DIRAS2: variants seen among roughly 807,000 people sequenced by gnomAD.
DIRAS2 encodes GTP-binding protein Di-Ras2.
In DIRAS2, 5 loss-of-function variants were observed where a neutral mutation model predicts 13.9. The ratio of observed to expected loss-of-function variants is 0.36; its 90% confidence interval spans 0.19 to 0.76. The LOEUF is 0.76. Ranked by LOEUF, DIRAS2 falls within the 30% of genes least tolerant of loss-of-function variation. DIRAS2 has a pLI of 0.53. For missense variants in DIRAS2, 191 were observed against 263.0 expected (o/e 0.73, Z 1.89); for synonymous variants, 111 against 105.4 (o/e 1.05, Z -0.33).
intron 1 of DIRAS2, among the ~76,000 whole-genome samples, chr9:90,633,514 C>T (rs1825345522): frequency 6.6e-6 from 1 of 152,162 alleles, no homozygotes. Context: ...CAGGTGGATA[C>T]ATGTCCAGGG....
Position 90,612,969 on chromosome 9 carries a change from A to C in DIRAS2, c.*259T>G. On this transcript the variant is annotated 3_prime_UTR_variant, in exon 2 of 2. Transcript: ENST00000375765. Reference sequence around the variant, plus strand: ...CGGGTGTTCATCGCCACCTTCAGCAATTGCTGGCACCTCTCAGTTCCCAGG... The same window carrying C: ...CGGGTGTTCATCGCCACCTTCAGCACTTGCTGGCACCTCTCAGTTCCCAGG... 4 of 484,204 alleles carry C rather than the reference A, an allele frequency of 8.3e-6. No individual in the cohort carries two copies. Among genetic ancestry groups the C allele is most frequent in the Non-Finnish European group, 1.5e-5 (4 of 270,810 alleles). 30.0% of individuals were successfully genotyped at this position (484,204 alleles called of 1,614,324 possible).
chr9:90,625,921 C>A (rs1278920260), intron 1 of DIRAS2: 1 of 152,172 alleles, frequency 6.6e-6, no homozygotes, highest in African/African-American at 2.4e-5. Context: ...CGGTGACTCA[C>A]ATCTGTAATC....
Position 90,613,845 on chromosome 9 carries a change from A to C in DIRAS2, c.-18T>G, listed in dbSNP as rs558649626. ...TCAGGCATGTTGCTGGAGAGCTCCA[A>C]CTCTCAGCCAGGACGCACCTAGCAA... is the stretch of plus-strand genomic sequence containing the variant. On this transcript the variant is annotated 5_prime_UTR_variant, in exon 2 of 2. Transcript: ENST00000375765. This position sits in a 1 kb window ranked among gnomAD's most constrained non-coding sequence, Gnocchi z 5.6. 1.9e-6 allele frequency: 3 copies of C among 1,599,208 alleles called. No individual in the cohort carries two copies. The Admixed American group carries it at 5.1e-5, about 27-fold the overall frequency.
chr9:90,631,519 G>T (rs1475925637), intron 1 of DIRAS2, among the ~76,000 whole-genome samples: 3 of 152,158 alleles, frequency 2.0e-5, no homozygotes, highest in Non-Finnish European at 4.4e-5. Flanking sequence ...CCAGTCAGAA[G>T]TCTCCAGCAA....
chr9:90,619,695 G>C (rs1277603073), intron 1 of DIRAS2, among the ~76,000 whole-genome samples: 1 of 152,114 alleles, frequency 6.6e-6, no homozygotes, highest in Non-Finnish European at 1.5e-5. Flanking sequence ...CCCCTCCTTT[G>C]TATATACCCA....
At chr9:90,614,942 G>A (rs747005165) in intron 1 of DIRAS2, among the ~76,000 whole-genome samples, 1 of 151,896 alleles carries the variant, frequency 6.6e-6, no homozygotes, top group Non-Finnish European at 1.5e-5. Context: ...TACCTTCTTC[G>A]GTAAGGAAGG....
intron 1 of DIRAS2, among the ~76,000 whole-genome samples, chr9:90,616,736 C>CAAAAAAAAAAAAAA (rs11422558): frequency 1.1e-5 from 1 of 88,506 alleles, no homozygotes; most frequent in Non-Finnish European, 2.1e-5. Context: ...GACTCCATCA[C>CAAAAAAAAAAAAAA]AAAAAAAAAA....
intron 1 of DIRAS2, among the ~76,000 whole-genome samples, chr9:90,622,032 G>T (rs1304127684): frequency 1.3e-5 from 2 of 152,104 alleles, no homozygotes; most frequent in Non-Finnish European, 2.9e-5. Flanking sequence ...CAGGAGGATT[G>T]CTTGAGGTCA....
Position 90,613,747 on chromosome 9 carries a change from A to G in DIRAS2, c.81T>C (p.Phe27=), listed in dbSNP as rs1477167596. The change falls in exon 2 of 2, where the codon TTT becomes TTC. Residue 27 remains phenylalanine, a synonymous_variant. Transcript: ENST00000375765. The surrounding 1 kb of genome is among the most constrained non-coding windows in gnomAD (Gnocchi z 5.6). ...GVGKSSLVLR[F]VKGTFRESYI... ...AGCTCTCCCGGAATGTGCCTTTCAC[A>G]AACCTCAACACCAGGGAGCTCTTGC... is the stretch of plus-strand genomic sequence containing the variant. 1 of 1,614,106 alleles carries G rather than the reference A, an allele frequency of 6.2e-7. No individual in the cohort carries two copies. Among genetic ancestry groups the G allele is most frequent in the Non-Finnish European group, 8.5e-7 (1 of 1,180,006 alleles).
rs1317462890 is a variant in DIRAS2, at chr9:90,610,565, C to T, written c.*2663G>A. On this transcript the variant is annotated 3_prime_UTR_variant, in exon 2 of 2. Coordinates refer to ENST00000375765, the MANE Select transcript of DIRAS2 (RefSeq NM_017594.5). Reference sequence around the variant, plus strand: ...GGTCAAAAACTGCTATGCCCATATGCAATGTAGGATGTGTTTTCAAGAACC... The same window carrying T: ...GGTCAAAAACTGCTATGCCCATATGTAATGTAGGATGTGTTTTCAAGAACC... The T allele has an allele frequency of 2.8e-5, 11 of 395,920 alleles. No individual in the cohort carries two copies. In the Admixed American group the frequency reaches 4.9e-4, roughly 17 times the overall value. 24.5% of individuals were successfully genotyped at this position (395,920 alleles called of 1,614,324 possible). A position where few individuals can be genotyped will look rare whatever the true frequency, so the allele number is the denominator to read the frequency against.
In DIRAS2 at chr9:90,613,287, T is replaced by A. The variant is rs757730938; in HGVS notation, c.541A>T (p.Lys181Ter). 1.2e-6 allele frequency: 2 copies of A among 1,613,918 alleles called. No homozygotes were observed. The highest frequency in any genetic ancestry group is 8.5e-7 in the Non-Finnish European group (1 of 1,179,996). ...TTCCTTTTCTGCTGCTTGCTCTTTT[T>A]CCCGTCGATCTGGAGACTCACGGTC... Reference protein sequence around the residue: ...RRTVSLQIDGKKSKQQKRKEK... With the variant: ...RRTVSLQIDG The change falls in exon 2 of 2, where the codon AAA becomes TAA. Residue 181 changes from lysine to a stop codon, truncating the protein, a stop_gained. Coordinates refer to ENST00000375765, the MANE Select transcript of DIRAS2 (RefSeq NM_017594.5). LOFTEE classifies it high-confidence loss of function. This position sits in a 1 kb window ranked among gnomAD's most constrained non-coding sequence, Gnocchi z 5.6.
chr9:90,634,506 T>C (rs908193182), intron 1 of DIRAS2, among the ~76,000 whole-genome samples: 5 of 152,192 alleles, frequency 3.3e-5, no homozygotes, highest in African/African-American at 1.2e-4. Context: ...ATGCCCAGGA[T>C]CTTTACACAG....
intron 1 of DIRAS2, among the ~76,000 whole-genome samples, chr9:90,614,351 T>TGA (rs1259318376): frequency 1.4e-5 from 2 of 142,134 alleles, no homozygotes; most frequent in African/African-American, 5.3e-5. Context: ...TGTGTGTGTG[T>TGA]GTGAGAAATA....
At chr9:90,639,839 C>G (rs1025856890) in intron 1 of DIRAS2, among the ~76,000 whole-genome samples, 9 of 152,196 alleles carry the variant, frequency 5.9e-5, no homozygotes, top group African/African-American at 2.2e-4. Context: ...GGACACATAA[C>G]TCACAGCAAT....
At chr9:90,620,042 G>C (rs1197607231) in intron 1 of DIRAS2, among the ~76,000 whole-genome samples, 3 of 152,066 alleles carry the variant, frequency 2.0e-5, no homozygotes, top group Admixed American at 6.6e-5. Context: ...GGTAGGGACT[G>C]GGGGGAAACA....
intron 1 of DIRAS2, among the ~76,000 whole-genome samples, chr9:90,627,104 C>G (rs1293843557): frequency 6.6e-6 from 1 of 152,058 alleles, no homozygotes; most frequent in Non-Finnish European, 1.5e-5. Context: ...CTCCCCACAC[C>G]CCCAACTTGC....
chr9:90,639,004 A>G (rs1825395517), intron 1 of DIRAS2, among the ~76,000 whole-genome samples: 1 of 152,222 alleles, frequency 6.6e-6, no homozygotes, highest in African/African-American at 2.4e-5. Context: ...GTGTGTGTTT[A>G]TTATGAGAAG....
rs1825129082 is a variant in DIRAS2 at position 90,612,912 on chromosome 9, G to T, written c.*316C>A. 1 of 365,800 alleles carries T rather than the reference G, an allele frequency of 2.7e-6. No individual in the cohort carries two copies. Among genetic ancestry groups the T allele is most frequent in the Non-Finnish European group, 5.1e-6 (1 of 195,208 alleles). 22.7% of individuals were successfully genotyped at this position (365,800 alleles called of 1,614,324 possible). ...ACATTTAGTCCTCTCGGTACATGTT[G>T]CTTTGTGGGTACCAGTCCTCCCTCC... On this transcript the variant is annotated 3_prime_UTR_variant, in exon 2 of 2. Transcript: ENST00000375765.
chr9:90,622,891 A>G (rs1012619533), intron 1 of DIRAS2, among the ~76,000 whole-genome samples: 2 of 152,140 alleles, frequency 1.3e-5, no homozygotes, highest in African/African-American at 4.8e-5. Context: ...GCCTGGGGAC[A>G]CTTTCTTCTA....
Sources: gnomAD v4.1 joint callset for allele counts (sites outside exome capture counted in the v4.1 genomes callset) on GRCh38, gnomAD v4.1.1 for gene constraint, Gnocchi (gnomAD v3.1) non-coding constraint, MANE v1.5 for transcripts, NCBI Gene and HGNC (gene_info 2026-07-23, HGNC 2026-07-21) for gene names.